NLRC5: variants seen among roughly 807,000 people sequenced by gnomAD.
NLRC5 encodes the protein protein NLRC5.
Under a neutral mutation model 206.9 loss-of-function variants are expected in NLRC5, and 114 were observed. The ratio of observed to expected loss-of-function variants is 0.55; its 90% CI spans 0.47 to 0.64. NLRC5 has a LOEUF of 0.64. Among genes scored for constraint, NLRC5 ranks in the 30% least tolerant of loss-of-function variants. The pLI, the probability that NLRC5 is intolerant of heterozygous loss-of-function variation, is 0.00. For missense variants in NLRC5, 2,008 were observed against 2,305.5 expected, an observed-to-expected ratio of 0.87 and a Z score of 2.64; for synonymous variants, 952 against 962.8, an observed-to-expected ratio of 0.99 and a Z score of 0.21.
Position 57,058,261 on chromosome 16 carries a change from C to T in NLRC5, c.3830+113C>T, listed in dbSNP as rs1387140106. On this transcript the variant is annotated intron_variant, in intron 28 of 48. Coordinates refer to ENST00000688547, the MANE Select transcript of NLRC5 (RefSeq NM_001384950.1). The stretch of plus-strand genomic sequence containing the variant: ...CCCCCAGAGCACCAGAGGACAAGGA[C>T]TGTGGAGGGCAAGGGGCAATTCTTC... 6.9e-6 allele frequency: 6 copies of T among 866,714 alleles called. No individual in the cohort carries two copies. The Admixed American group carries it at 1.1e-4, about 16-fold the overall frequency. The allele number at this position is 866,714 out of a possible 1,614,324, so 53.7% of individuals were successfully genotyped here.
intron 1 of NLRC5, among the ~76,000 whole-genome samples, chr16:56,991,629 G>T (rs866335615): frequency 2.7e-5 from 4 of 147,990 alleles, no homozygotes; most frequent in African/African-American, 9.9e-5. Flanking sequence ...TGATCCACCC[G>T]CCTCGGCCTC....
chr16:57,052,259 G>A (rs757818790), intron 24 of NLRC5, among the ~76,000 whole-genome samples: 1 of 152,166 alleles, frequency 6.6e-6, no homozygotes, highest in African/African-American at 2.4e-5. Context: ...GATCACCTGA[G>A]GTCAGGAGTT....
intron 3 of NLRC5, among the ~76,000 whole-genome samples, chr16:57,021,926 G>A (rs533464934): frequency 5.3e-5 from 8 of 152,356 alleles, no homozygotes; most frequent in African/African-American, 1.7e-4. Context: ...GCAGACATAT[G>A]CAGATACACA....
chr16:57,039,347 G>A lies in NLRC5; in HGVS notation c.2802-434G>A, dbSNP rs563622380. 2.0e-4 allele frequency among the ~76,000 whole-genome samples: 31 copies of A among 152,200 alleles called. 1 individual carries two copies. The highest frequency in any genetic ancestry group is 3.5e-4 in the Non-Finnish European group (24 of 68,034). On this transcript the variant is annotated intron_variant, in intron 15 of 48. Transcript: ENST00000688547. ...ATTTCAGCCCTCCAAAAGCTCAGAG[G>A]AAGTCAGAGGGGAGTCAGAGGAAGT... is the stretch of plus-strand genomic sequence containing the variant.
At position 57,041,979 on chromosome 16, in the gene NLRC5, C is replaced by CAG. The variant is rs777453731; in HGVS notation, c.3030-2_3030-1dup. ...TTCTCCCCTCCCTTCTCCCCACCCCCAGCTTCTCAGGCAATGCTCTGGGGG... is the reference window on the plus strand; with the variant it reads ...TTCTCCCCTCCCTTCTCCCCACCCCCAGAGCTTCTCAGGCAATGCTCTGGGGG... On this transcript the variant is annotated splice_region_variant and splice_polypyrimidine_tract_variant and intron_variant, in intron 18 of 48. Coordinates refer to ENST00000688547, the MANE Select transcript of NLRC5 (RefSeq NM_001384950.1). 1 of 1,566,262 alleles carries CAG rather than the reference C, an allele frequency of 6.4e-7. No homozygotes were observed. The highest frequency in any genetic ancestry group is 1.2e-5 in the South Asian group (1 of 83,736).
intron 14 of NLRC5, 134 bp from the exon 15 acceptor site, chr16:57,037,061 A>G: frequency 1.3e-6 from 1 of 744,390 alleles, no homozygotes; most frequent in Non-Finnish European, 2.4e-6. Flanking sequence ...ATCCTTTGAG[A>G]TCCCCTGGCA....
intron 1 of NLRC5, chr16:56,992,295 CA>C (rs1297260734): frequency 6.6e-6 from 1 of 152,104 alleles, no homozygotes; most frequent in Admixed American, 6.5e-5. Context: ...AGTACTGTGA[CA>C]ACACTAGGAA....
Position 57,009,448 on chromosome 16 carries a change from C to T in NLRC5, c.-127-7626C>T, listed in dbSNP as rs201874918. 3.3e-5 allele frequency among the ~76,000 whole-genome samples: 5 copies of T among 151,960 alleles called. No individual in the cohort carries two copies. The East Asian group carries it at 9.7e-4, about 29-fold the overall frequency. ...CTCTACTAAAAATACAAAAAATGAG[C>T]TGGGCATGGTGGCGTGTGCCTGTGG... On this transcript the variant is annotated intron_variant, in intron 1 of 48. Coordinates refer to ENST00000688547, the MANE Select transcript of NLRC5 (RefSeq NM_001384950.1).
In NLRC5 at chr16:57,045,498, G is replaced by A. The variant is rs747044364; in HGVS notation, c.3248+6G>A. On this transcript the variant is annotated splice_donor_region_variant and intron_variant, in intron 21 of 48. Coordinates refer to ENST00000688547, the MANE Select transcript of NLRC5 (RefSeq NM_001384950.1). Reference sequence around the variant, plus strand: ...AGAGGGGACAAGACAAGCAGGTGAGGAGGGAACGCTCGGGGTGGGGGAGTC... The same window carrying A: ...AGAGGGGACAAGACAAGCAGGTGAGAAGGGAACGCTCGGGGTGGGGGAGTC... 3.1e-6 allele frequency: 5 copies of A among 1,613,726 alleles called. No individual in the cohort carries two copies. The highest frequency in any genetic ancestry group is 1.7e-4 in the Middle Eastern group (1 of 5,896).
In NLRC5 at chr16:57,077,726, G is replaced by C; in HGVS notation, c.4927G>C (p.Gly1643Arg). 6.3e-7 allele frequency: 1 copy of C among 1,585,282 alleles called. No homozygotes were observed. ...GCTGCCCCCCTCCCACAGCCTCTCA[G>C]GGAATAGCATCAGCTCAGCCGGGGG... ...LPELRKIDLS[G>R]NSISSAGGVQ... Residue 1643 changes from glycine (G) to arginine (R), a missense_variant, in exon 42 of 49, where the codon GGG becomes CGG. Coordinates refer to ENST00000688547, the MANE Select transcript of NLRC5 (RefSeq NM_001384950.1).
rs1386818074 is a variant in NLRC5, at chr16:57,026,010, C to A, written c.1067C>A (p.Pro356His). 1.9e-6 allele frequency: 3 copies of A among 1,613,968 alleles called. No individual in the cohort carries two copies. Among genetic ancestry groups the A allele is most frequent in the Non-Finnish European group, 2.5e-6 (3 of 1,180,062 alleles). The change falls in exon 6 of 49, where the codon CCT (proline) becomes CAT (histidine). Residue 356 changes from proline (P) to histidine (H), a missense_variant. Physicochemically the swap from Pro to His is moderately conservative, Grantham distance 77. Coordinates refer to ENST00000688547, the MANE Select transcript of NLRC5 (RefSeq NM_001384950.1). ...CCAGGGAAGCTGCCTGCCTGCCTGC[C>A]TGCAGAGGCAGCCATGGTCCACATG... ...SRPGKLPACLPAEAAMVHMLG... is the reference protein window; with the variant it reads ...SRPGKLPACLHAEAAMVHMLG...
chr16:57,053,401 G>A (rs78838281), intron 24 of NLRC5, among the ~76,000 whole-genome samples: 4,431 of 152,260 alleles, frequency 0.029, 391 homozygotes, highest in East Asian at 0.28. Flanking sequence ...GTGACTGGCA[G>A]GGACAGTCCT....
At position 57,031,397 on chromosome 16, in the gene NLRC5, C is replaced by T. The variant is rs779512462; in HGVS notation, c.2418-7C>T. 6 of 1,613,620 alleles carry T rather than the reference C, an allele frequency of 3.7e-6. No homozygotes were observed. In the East Asian group the frequency reaches 1.1e-4, roughly 30 times the overall value. ...TGGGTTTCATGGCTTGGTATCTGATCCTGCAGGGAGGCGGACCTCATCTTC... is the reference window on the plus strand; with the variant it reads ...TGGGTTTCATGGCTTGGTATCTGATTCTGCAGGGAGGCGGACCTCATCTTC... On this transcript the variant is annotated splice_region_variant and splice_polypyrimidine_tract_variant and intron_variant, in intron 10 of 48. Coordinates refer to ENST00000688547, the MANE Select transcript of NLRC5 (RefSeq NM_001384950.1).
rs537785402 is a variant in NLRC5, at chr16:57,046,013, G to T, written c.3248+521G>T. ...CTCTTGGCCTCACTTGGGAGCAGTGGCAGCGGACAGGGTGGGCCCATGTGC... is the reference window on the plus strand; with the variant it reads ...CTCTTGGCCTCACTTGGGAGCAGTGTCAGCGGACAGGGTGGGCCCATGTGC... On this transcript the variant is annotated intron_variant, in intron 21 of 48. Transcript: ENST00000688547. 2.6e-5 allele frequency among the ~76,000 whole-genome samples: 4 copies of T among 152,360 alleles called. No homozygotes were observed. The East Asian group carries it at 7.7e-4, about 29-fold the overall frequency.
At chr16:57,019,208 C>T (rs1159172322) in intron 2 of NLRC5, among the ~76,000 whole-genome samples, 2 of 152,146 alleles carry the variant, frequency 1.3e-5, no homozygotes, top group Non-Finnish European at 2.9e-5. Flanking sequence ...CCAGCCTGGC[C>T]AACATGGTGA....
chr16:57,027,922 A>G (rs565084406), intron 6 of NLRC5, 150 bp from the exon 7 acceptor site: 1 of 547,852 alleles, frequency 1.8e-6, no homozygotes, highest in East Asian at 2.9e-5. Context: ...TGAAGTGGAG[A>G]ATGGGCTTTG....
At chr16:57,059,252 TGCCATGGGGACCATGGAG>T in intron 29 of NLRC5, 191 bp downstream of exon 29, 1 of 1,473,008 alleles carries the variant, frequency 6.8e-7, no homozygotes, top group Non-Finnish European at 9.0e-7. Flanking sequence ...GATGCCCGGG[TGCCATGGGGACCATGGAG>T]GCCATGGGGT....
chr16:57,076,057 G>T, intron 39 of NLRC5: 1 of 197,358 alleles, frequency 5.1e-6, no homozygotes, highest in South Asian at 5.4e-5. Flanking sequence ...GGGATTACAG[G>T]TATGCACCAC....
intron 22 of NLRC5, 66 bp from the exon 23 acceptor site, chr16:57,047,479 C>T: frequency 7.2e-7 from 1 of 1,386,348 alleles, no homozygotes; most frequent in South Asian, 1.2e-5. Flanking sequence ...AGGATAGAGC[C>T]CCTGGGGCTA....
Sources: gnomAD v4.1 joint callset for allele counts (sites outside exome capture counted in the v4.1 genomes callset) on GRCh38, gnomAD v4.1.1 for gene constraint, MANE v1.5 for transcripts, NCBI Gene and HGNC (gene_info 2026-07-23, HGNC 2026-07-21) for gene names.